Variants in GPR143 observed in about 807,000 individuals in gnomAD.
The protein encoded by GPR143 is G protein-coupled receptor 143.
A neutral mutation model predicts 27.6 loss-of-function variants in GPR143; 8 were observed. The ratio of observed to expected loss-of-function variants is 0.29; its 90% CI spans 0.17 to 0.52. The LOEUF is 0.52. Among genes scored for constraint, GPR143 ranks in the 20% least tolerant of loss-of-function variants. The pLI is 0.96. For missense variants in GPR143, 303 were observed against 343.1 expected (o/e 0.88, Z 0.92); for synonymous variants, 156 against 153.2 (o/e 1.02, Z -0.13).
intron 8 of GPR143, among the ~76,000 whole-genome samples, chrX:9,728,639 TAAAAAAAAAAAAAAAA>T (rs57462205): frequency 2.2e-3 from 43 of 19,228 alleles, no homozygotes; most frequent in Non-Finnish European, 3.6e-3. Context: ...CCCTATCTCT[TAAAAAAAAAAAAAAAA>T]AAAAAAAAAA....
At chrX:9,773,140 A>C (rs1034087932) in intron 1 of GPR143, among the ~76,000 whole-genome samples, 4 of 111,888 alleles carry the variant, frequency 3.6e-5, no homozygotes, top group Non-Finnish European at 7.5e-5. Context: ...TCTGATGTGC[A>C]AGAAAGCATG....
At chrX:9,770,931 C>T (rs140074440), upstream of GPR143, among the ~76,000 whole-genome samples, 722 of 111,929 alleles carry the variant, frequency 6.5e-3, 10 homozygotes, top group African/African-American at 0.022. Context: ...GAGTAACATA[C>T]GCAAGTTGAT....
intron 3 of GPR143, 83 bp downstream of exon 3, chrX:9,759,249 A>G: frequency 1.6e-6 from 1 of 624,397 alleles, no homozygotes; most frequent in Non-Finnish European, 2.7e-6. Flanking sequence ...AACACTGCAA[A>G]ATACTTTTAA....
chrX:9,759,115 C>T (rs1039983448), intron 3 of GPR143, among the ~76,000 whole-genome samples: 1 of 111,477 alleles, frequency 9.0e-6, no homozygotes, highest in Non-Finnish European at 1.9e-5. Flanking sequence ...GCTGGGATTA[C>T]AGGCACAAGC....
intron 5 of GPR143, among the ~76,000 whole-genome samples, chrX:9,745,116 G>A (rs780279744): frequency 2.7e-5 from 3 of 111,685 alleles, no homozygotes; most frequent in Non-Finnish European, 3.8e-5. Flanking sequence ...GTAGCCGGGC[G>A]TGGTGGCGCT....
At chrX:9,751,041 C>A (rs1447439810) in intron 3 of GPR143, among the ~76,000 whole-genome samples, 1 of 112,507 alleles carries the variant, frequency 8.9e-6, no homozygotes. Flanking sequence ...AGGTTTGAAC[C>A]GAATGCAAAC....
intron 8 of GPR143, among the ~76,000 whole-genome samples, chrX:9,731,968 G>C (rs2083356426): frequency 9.0e-6 from 1 of 111,549 alleles, no homozygotes; most frequent in Non-Finnish European, 1.9e-5. Flanking sequence ...AATTATGGCA[G>C]AAAATGAAAA....
chrX:9,728,034 C>G (rs2083336153), intron 8 of GPR143, among the ~76,000 whole-genome samples: 1 of 112,689 alleles, frequency 8.9e-6, no homozygotes, highest in South Asian at 3.7e-4. Flanking sequence ...GACACCCTCT[C>G]TAAAACCATG....
At chrX:9,756,353 A>T in intron 3 of GPR143, among the ~76,000 whole-genome samples, 1 of 112,313 alleles carries the variant, frequency 8.9e-6, no homozygotes, top group Admixed American at 9.5e-5. Flanking sequence ...ATATGACAAC[A>T]AAAGAATAAG....
intron 1 of GPR143, 63 bp downstream of exon 1, chrX:9,765,505 G>A: frequency 9.8e-7 from 1 of 1,017,262 alleles, no homozygotes; most frequent in East Asian, 4.2e-5. Context: ...CTCAACCTGC[G>A]GGCCACGCGC....
At chrX:9,757,017 TAAATG>T (rs1424967921) in intron 3 of GPR143, among the ~76,000 whole-genome samples, 10 of 112,891 alleles carry the variant, frequency 8.9e-5, no homozygotes, top group Non-Finnish European at 1.9e-5. Flanking sequence ...CATCAACTGA[TAAATG>T]GATAAACAAA....
At position 9,762,871 on chromosome X, in the gene GPR143, C is replaced by T. The variant is rs1203811313; in HGVS notation, c.251-2045G>A. Among the ~76,000 whole-genome samples the T allele has an allele frequency of 4.5e-5, 5 of 111,722 alleles. No individual in the cohort carries two copies. In the Admixed American group the frequency reaches 4.8e-4, roughly 11 times the overall value. Reference sequence around the variant, plus strand: ...TGACTTCTGCTTATTTGCTCGCAACCTCATCCACTTCCCTTCTAAAGGCTA... The same window carrying T: ...TGACTTCTGCTTATTTGCTCGCAACTTCATCCACTTCCCTTCTAAAGGCTA... On this transcript the variant is annotated intron_variant, in intron 1 of 8. Coordinates refer to ENST00000467482, the MANE Select transcript of GPR143 (RefSeq NM_000273.3).
At chrX:9,770,947 A>G (rs908441008), upstream of GPR143, among the ~76,000 whole-genome samples, 1 of 111,982 alleles carries the variant, frequency 8.9e-6, no homozygotes, top group Admixed American at 9.5e-5. Context: ...TTGATTGAGC[A>G]ATGGTATAGA....
chrX:9,773,461 T>C (rs1435888956), intron 1 of GPR143, among the ~76,000 whole-genome samples: 2 of 102,118 alleles, frequency 2.0e-5, no homozygotes, highest in Non-Finnish European at 4.0e-5. Context: ...ATCTGCTCTC[T>C]TTGGAGTGGC....
upstream of GPR143, among the ~76,000 whole-genome samples, chrX:9,766,901 TCTCACACACA>T (rs1322959249): frequency 4.5e-4 from 29 of 65,152 alleles, no homozygotes; most frequent in Non-Finnish European, 7.0e-4. Context: ...TATCTCTCTC[TCTCACACACA>T]CACACACACA....
chrX:9,744,661 C>T (rs999834619), intron 5 of GPR143, among the ~76,000 whole-genome samples: 1 of 111,335 alleles, frequency 9.0e-6, no homozygotes, highest in Non-Finnish European at 1.9e-5. Flanking sequence ...GCCGAGATCA[C>T]GTCAATTCAC....
chrX:9,728,467 A>G (rs5979162), intron 8 of GPR143, among the ~76,000 whole-genome samples: 34,082 of 103,933 alleles, frequency 0.33, 6,242 homozygotes, highest in African/African-American at 0.63. Flanking sequence ...GGAGAGATGT[A>G]CTTGGAAAGG....
chrX:9,767,898 G>A (rs762350539), upstream of GPR143, among the ~76,000 whole-genome samples: 1 of 112,196 alleles, frequency 8.9e-6, no homozygotes, highest in Admixed American at 9.5e-5. Context: ...AATGAAGAGT[G>A]TCTGTACATT....
chrX:9,761,566 TA>T (rs1376588498), intron 1 of GPR143, among the ~76,000 whole-genome samples: 1 of 112,486 alleles, frequency 8.9e-6, no homozygotes, highest in African/African-American at 3.2e-5. Context: ...ATTCCTCACA[TA>T]AAAAAGAATT....
Sources: gnomAD v4.1 joint callset for allele counts (sites outside exome capture counted in the v4.1 genomes callset) on GRCh38, gnomAD v4.1.1 for gene constraint, MANE v1.5 for transcripts, NCBI Gene and HGNC (gene_info 2026-07-23, HGNC 2026-07-21) for gene names.